NFIA: variants seen among roughly 807,000 people sequenced by gnomAD.
NFIA encodes the protein nuclear factor I A.
In NFIA, 8 loss-of-function variants were observed where a neutral mutation model predicts 62.8. The ratio of observed to expected loss-of-function variants is 0.13; its 90% confidence interval spans 0.07 to 0.23. The LOEUF (loss-of-function observed/expected upper bound fraction) is 0.23, where lower values mean the gene tolerates loss of function less well. Ranked by LOEUF, NFIA falls within the 10% of genes least tolerant of loss-of-function variation. The pLI is 1.00. For synonymous variants in NFIA, 235 were observed against 238.1 expected (o/e 0.99, Z 0.12); for missense variants, 410 against 642.1 (o/e 0.64, Z 3.91).
chr1:61,108,216 G>A (rs1646637497), intron 2 of NFIA, among the ~76,000 whole-genome samples: 1 of 151,556 alleles, frequency 6.6e-6, no homozygotes, highest in Non-Finnish European at 1.5e-5. Context: ...TGAATCTACA[G>A]ATAAAGGAAA....
chr1:61,202,926 A>C (rs995462790), intron 2 of NFIA, among the ~76,000 whole-genome samples: 1 of 152,242 alleles, frequency 6.6e-6, no homozygotes, highest in Non-Finnish European at 1.5e-5. Context: ...TCATTCTGAA[A>C]ATCATGGAAA....
At chr1:61,087,535 TTA>T (rs1382737958) in intron 1 of NFIA, among the ~76,000 whole-genome samples, 2 of 152,178 alleles carry the variant, frequency 1.3e-5, no homozygotes, top group African/African-American at 4.8e-5. Context: ...ACTAAAAAAA[TTA>T]TATGTAGTTA....
At chr1:61,214,130 AC>A (rs1219543015) in intron 2 of NFIA, among the ~76,000 whole-genome samples, 2 of 152,178 alleles carry the variant, frequency 1.3e-5, no homozygotes, top group African/African-American at 4.8e-5. Context: ...TTTTCTGACT[AC>A]GCCTAGGCCT....
chr1:61,275,081 A>T (rs1311360941), intron 2 of NFIA, among the ~76,000 whole-genome samples: 1 of 152,176 alleles, frequency 6.6e-6, no homozygotes, highest in Non-Finnish European at 1.5e-5. Context: ...CCAGCTTTTG[A>T]ATAAAACTAG....
chr1:61,348,252 T>C (rs1352054883), intron 4 of NFIA, among the ~76,000 whole-genome samples: 1 of 152,228 alleles, frequency 6.6e-6, no homozygotes, highest in Non-Finnish European at 1.5e-5. Flanking sequence ...GTCCATGTGA[T>C]TCATACCTAC....
At chr1:61,084,843 T>A (rs1646190096) in intron 1 of NFIA, among the ~76,000 whole-genome samples, 1 of 152,082 alleles carries the variant, frequency 6.6e-6, no homozygotes, top group South Asian at 2.1e-4. Flanking sequence ...ATTATGACAT[T>A]AAGAGAGTTT....
chr1:61,337,150 G>C (rs1661655143), intron 4 of NFIA, among the ~76,000 whole-genome samples: 1 of 152,106 alleles, frequency 6.6e-6, no homozygotes, highest in African/African-American at 2.4e-5. Context: ...AAAGCTGCTG[G>C]CTTAGCCTCA....
intron 3 of NFIA, among the ~76,000 whole-genome samples, chr1:61,330,139 C>T (rs1661213692): frequency 6.6e-6 from 1 of 152,080 alleles, no homozygotes; most frequent in African/African-American, 2.4e-5. Context: ...CGGCTTTGCG[C>T]ATGTTGGTTC....
In NFIA at chr1:61,366,440, AT is replaced by A. The variant is rs1663592338; in HGVS notation, c.946+7167del. On this transcript the variant is annotated intron_variant, in intron 6 of 10. Coordinates refer to ENST00000403491, the MANE Select transcript of NFIA (RefSeq NM_001134673.4). ...TTCAAAATTCCAAATGCCTTCAATT[AT>A]ACTGGGATTGTAAAACAATTAACAG... Among the ~76,000 whole-genome samples the A allele has an allele frequency of 2.0e-5, 3 of 152,360 alleles. No homozygotes were observed. In the East Asian group the frequency reaches 5.8e-4, roughly 29 times the overall value.
intron 3 of NFIA, among the ~76,000 whole-genome samples, chr1:61,280,816 A>G (rs192102852): frequency 6.2e-4 from 94 of 152,322 alleles, no homozygotes; most frequent in African/African-American, 2.2e-3. Flanking sequence ...AAGCTCTGAA[A>G]CTCAAAATTG....
intron 4 of NFIA, among the ~76,000 whole-genome samples, chr1:61,352,147 G>A (rs535145145): frequency 1.3e-5 from 2 of 152,276 alleles, no homozygotes; most frequent in East Asian, 3.9e-4. Flanking sequence ...TTCCAGAAAA[G>A]TGTAAGACCA....
chr1:61,301,097 G>A (rs900562061), intron 3 of NFIA, among the ~76,000 whole-genome samples: 1 of 152,144 alleles, frequency 6.6e-6, no homozygotes, highest in African/African-American at 2.4e-5. Context: ...CTCAAGGGAA[G>A]GAAGCTTTCC....
chr1:61,242,866 A>G lies in NFIA; in HGVS notation c.560-34654A>G, dbSNP rs150993083. Reference sequence around the variant, plus strand: ...AGTGGAATCAGCTAGGGATAATACTATAGAGCGATATAGTTTATATAGCTT... The same window carrying G: ...AGTGGAATCAGCTAGGGATAATACTGTAGAGCGATATAGTTTATATAGCTT... On this transcript the variant is annotated intron_variant, in intron 2 of 10. Coordinates refer to ENST00000403491, the MANE Select transcript of NFIA (RefSeq NM_001134673.4). Among the ~76,000 whole-genome samples, 245 of 152,290 alleles carry G rather than the reference A, an allele frequency of 1.6e-3. 1 individual carries two copies. The highest frequency in any genetic ancestry group is 5.6e-3 in the African/African-American group (233 of 41,560).
At chr1:61,396,612 G>A (rs113273154) in intron 7 of NFIA, among the ~76,000 whole-genome samples, 2 of 152,212 alleles carry the variant, frequency 1.3e-5, no homozygotes, top group African/African-American at 4.8e-5. Context: ...TAACTAACAC[G>A]ATGGGACTTT....
At chr1:61,093,401 TAGG>T (rs1288059569) in intron 2 of NFIA, among the ~76,000 whole-genome samples, 7 of 151,996 alleles carry the variant, frequency 4.6e-5, no homozygotes, top group Non-Finnish European at 8.8e-5. Flanking sequence ...ATATTTAAAT[TAGG>T]AGAGTAAGGA....
chr1:61,333,151 A>T lies in NFIA; in HGVS notation c.700+565A>T, dbSNP rs188853400. 2.6e-5 allele frequency among the ~76,000 whole-genome samples: 4 copies of T among 152,146 alleles called. No individual in the cohort carries two copies. The East Asian group carries it at 7.7e-4, about 29-fold the overall frequency. Reference sequence around the variant, plus strand: ...CTTATTTAAAAGCACAAATACAATGATTATGATGTTCCAGGTCCCAGTAAG... The same window carrying T: ...CTTATTTAAAAGCACAAATACAATGTTTATGATGTTCCAGGTCCCAGTAAG... On this transcript the variant is annotated intron_variant, in intron 4 of 10. Coordinates refer to ENST00000403491, the MANE Select transcript of NFIA (RefSeq NM_001134673.4).
At chr1:61,451,115 T>G (rs12561869) in intron 10 of NFIA, among the ~76,000 whole-genome samples, 25,104 of 152,084 alleles carry the variant, frequency 0.17, 2,231 homozygotes, top group East Asian at 0.35. Context: ...CCGTCAGAGG[T>G]ACCTTCTGCC....
At chr1:61,243,520 G>C (rs1380021351) in intron 2 of NFIA, among the ~76,000 whole-genome samples, 1 of 152,012 alleles carries the variant, frequency 6.6e-6, no homozygotes, top group Non-Finnish European at 1.5e-5. Context: ...TTAAGAATGT[G>C]TAATACTGAT....
At chr1:61,140,764 G>A (rs1570248780) in intron 2 of NFIA, among the ~76,000 whole-genome samples, 2 of 152,040 alleles carry the variant, frequency 1.3e-5, no homozygotes, top group African/African-American at 2.4e-5. Flanking sequence ...CCTATTTTCT[G>A]TTAAATACAA....
Sources: allele counts gnomAD v4.1 joint callset (sites outside exome capture counted in the v4.1 genomes callset), GRCh38; gene constraint gnomAD v4.1.1; transcripts MANE v1.5; gene names NCBI Gene and HGNC (gene_info 2026-07-23, HGNC 2026-07-21).